Variants in L1CAM observed in about 807,000 individuals in gnomAD.
L1CAM encodes the protein neural cell adhesion molecule L1.
Under a neutral mutation model 93.0 loss-of-function variants are expected in L1CAM, and 8 were observed. That is an observed-to-expected ratio of 0.09 (90% CI 0.05 to 0.16). L1CAM has a LOEUF of 0.16. Ranked by LOEUF, L1CAM falls within the 10% of genes least tolerant of loss-of-function variation. L1CAM has a pLI of 1.00. For synonymous variants in L1CAM, 453 were observed against 453.0 expected (o/e 1.00, Z 0.00); for missense variants, 777 against 1,073.4 (o/e 0.72, Z 3.86).
At chrX:153,874,046 G>A (rs1557093941) in intron 2 of L1CAM, among the ~76,000 whole-genome samples, 1 of 112,813 alleles carries the variant, frequency 8.9e-6, no homozygotes, top group African/African-American at 3.2e-5. Flanking sequence ...ACACTGCAGA[G>A]GGCCCTGAGC....
At position 153,870,460 on chromosome X, in the gene L1CAM, G is replaced by A; in HGVS notation, c.734C>T (p.Pro245Leu). Reference sequence around the variant, plus strand: ...CACCAGGTGGCTGCTGGAGTTGGTGGGGAAGAGCAGGCGCGGCTTCCTGTC... The same window carrying A: ...CACCAGGTGGCTGCTGGAGTTGGTGAGGAAGAGCAGGCGCGGCTTCCTGTC... ...MIDRKPRLLF[P>L]TNSSSHLVAL... Residue 245 changes from proline to leucine, a missense_variant, in exon 8 of 29, where the codon CCC becomes CTC. This residue lies in a region of L1CAM where 574 missense variants were observed against 781.0 expected (regional missense o/e 0.73). Transcript: ENST00000370060. 8.3e-7 allele frequency: 1 copy of A among 1,211,885 alleles called. No homozygotes were observed. The highest frequency in any genetic ancestry group is 1.1e-6 in the Non-Finnish European group (1 of 895,330).
chrX:153,885,882 TTACA>T, intron 1 of L1CAM, 179 bp downstream of exon 1: 1 of 824,951 alleles, frequency 1.2e-6, no homozygotes, highest in South Asian at 2.9e-5. Context: ...CCCGCCCCGC[TTACA>T]GCCCGCGGTG....
intron 2 of L1CAM, among the ~76,000 whole-genome samples, chrX:153,873,995 C>T (rs907338230): frequency 5.3e-5 from 6 of 112,501 alleles, no homozygotes; most frequent in Non-Finnish European, 9.4e-5. Flanking sequence ...CAGAAGACCT[C>T]AGTGTGAAGG....
rs1221618827 is a variant in L1CAM, at chrX:153,869,561, C to T, written c.1226G>A (p.Arg409Gln). ...TMVTQCEARN[R>Q]HGLLLANAYI... Reference sequence around the variant, plus strand: ...GGCATTGGCCAGCAAGAGCCCGTGCCGGTTGCGGGCCTCACATTGGGTCAC... The same window carrying T: ...GGCATTGGCCAGCAAGAGCCCGTGCTGGTTGCGGGCCTCACATTGGGTCAC... The change falls in exon 11 of 29, where the codon CGG becomes CAG. Residue 409 changes from arginine (R) to glutamine (Q), a missense_variant. This residue lies in a region of L1CAM where 574 missense variants were observed against 781.0 expected (regional missense o/e 0.73). Transcript: ENST00000370060. 9.1e-6 allele frequency: 11 copies of T among 1,209,858 alleles called. No homozygotes were observed. Among genetic ancestry groups the T allele is most frequent in the African/African-American group, 5.2e-5 (3 of 57,538 alleles).
intron 1 of L1CAM, chrX:153,880,280 A>G: frequency 6.9e-6 from 1 of 144,425 alleles, no homozygotes; most frequent in Non-Finnish European, 1.4e-5. Context: ...ACCACCACAC[A>G]CCTTGAGAAG....
At position 153,862,322 on chromosome X, in the gene L1CAM, C is replaced by T; in HGVS notation, c.*341G>A. Reference sequence around the variant, plus strand: ...TCCTGAGGAGACCCCACCATGTCTGCCCCCAGTCAGGGAGCAAGAAAGACA... The same window carrying T: ...TCCTGAGGAGACCCCACCATGTCTGTCCCCAGTCAGGGAGCAAGAAAGACA... On this transcript the variant is annotated 3_prime_UTR_variant, in exon 29 of 29. Transcript: ENST00000370060. 1 of 242,372 alleles carries T rather than the reference C, an allele frequency of 4.1e-6. No homozygotes were observed. The highest frequency in any genetic ancestry group is 1.8e-4 in the South Asian group (1 of 5,656). 20.0% of individuals were successfully genotyped at this position (242,372 alleles called of 1,213,427 possible). A position where few individuals can be genotyped will look rare whatever the true frequency, so the allele number is the denominator to read the frequency against.
At chrX:153,884,158 G>T in intron 1 of L1CAM, 1 of 905,789 alleles carries the variant, frequency 1.1e-6, no homozygotes, top group Non-Finnish European at 1.5e-6. Flanking sequence ...GGACAATGCT[G>T]GTCCAGTTTG....
At chrX:153,885,330 G>A (rs1465640232) in intron 1 of L1CAM, 16 of 949,492 alleles carry the variant, frequency 1.7e-5, no homozygotes, top group Non-Finnish European at 2.2e-5. Context: ...TGCCCGAACC[G>A]ACCTCACCCA....
chrX:153,877,461 C>CA (rs35481146), intron 1 of L1CAM, among the ~76,000 whole-genome samples: 3,850 of 48,905 alleles, frequency 0.079, 226 homozygotes, highest in East Asian at 0.3. Flanking sequence ...GACTCTGTCT[C>CA]AAAAAAAAAA....
intron 1 of L1CAM, chrX:153,883,834 T>A (rs1260581007): frequency 2.9e-6 from 1 of 341,848 alleles, no homozygotes; most frequent in Non-Finnish European, 5.9e-6. Context: ...CGCATCACCC[T>A]CACACCCAGA....
In L1CAM at chrX:153,866,502, G is replaced by T. The variant is rs4646266; in HGVS notation, c.2431+147C>A. ...TGCCAATTATAGAAATGTGAAGTGTGGGGAATTTCATAACGTCGCTCTGGT... is the reference window on the plus strand; with the variant it reads ...TGCCAATTATAGAAATGTGAAGTGTTGGGAATTTCATAACGTCGCTCTGGT... On this transcript the variant is annotated intron_variant, in intron 19 of 28. Transcript: ENST00000370060. The T allele has an allele frequency of 0.033, 14,319 of 439,122 alleles. 277 individuals are homozygous for T. The highest frequency in any genetic ancestry group is 0.086 in the African/African-American group (3,470 of 40,578). 36.2% of individuals were successfully genotyped at this position (439,122 alleles called of 1,213,427 possible). A position where few individuals can be genotyped will look rare whatever the true frequency, so the allele number is the denominator to read the frequency against.
chrX:153,873,133 G>C (rs782455350), intron 3 of L1CAM, 95 bp downstream of exon 3: 1 of 868,526 alleles, frequency 1.2e-6, no homozygotes, highest in Admixed American at 2.2e-5. Flanking sequence ...GCAGGGCCCC[G>C]GCACTCAGGA....
intron 5 of L1CAM, 22 bp from the exon 6 acceptor site, chrX:153,871,201 A>T (rs368430291): frequency 2.5e-6 from 3 of 1,201,132 alleles, no homozygotes; most frequent in Non-Finnish European, 3.4e-6. Context: ...AGACGGGCTG[A>T]CACTCTCCTC....
At position 153,868,032 on chromosome X, in the gene L1CAM, A is replaced by G; in HGVS notation, c.1794T>C (p.Asp598=). 1 of 1,210,177 alleles carries G rather than the reference A, an allele frequency of 8.3e-7. No homozygotes were observed. Among genetic ancestry groups the G allele is most frequent in the Non-Finnish European group, 1.1e-6 (1 of 894,978 alleles). The change falls in exon 15 of 29, where the codon GAT becomes GAC. Residue 598 remains aspartate, a synonymous_variant. Transcript: ENST00000370060. ...NYSCVASTEL[D]VVESRAQLLV... ...AGAGCTGTGCCCTACTCTCCACCACATCCAGTTCGGTACTGGCCACGCAGC... is the reference window on the plus strand; with the variant it reads ...AGAGCTGTGCCCTACTCTCCACCACGTCCAGTTCGGTACTGGCCACGCAGC...
At chrX:153,881,316 G>A (rs1265478305) in intron 1 of L1CAM, among the ~76,000 whole-genome samples, 2 of 111,759 alleles carry the variant, frequency 1.8e-5, no homozygotes, top group Non-Finnish European at 3.8e-5. Context: ...GGTTTTAGAG[G>A]GCGTGGTGGC....
At chrX:153,871,270 C>T in intron 5 of L1CAM, 91 bp from the exon 6 acceptor site, 1 of 811,162 alleles carries the variant, frequency 1.2e-6, no homozygotes, top group Admixed American at 2.6e-5. Flanking sequence ...TGGCGGGCTA[C>T]ACCAGGGATG....
Position 153,863,736 on chromosome X carries a change from G to A in L1CAM, c.3457+147C>T, listed in dbSNP as rs782406355. The A allele has an allele frequency of 3.2e-6, 3 of 930,555 alleles. No individual in the cohort carries two copies. In the East Asian group the frequency reaches 9.9e-5, roughly 31 times the overall value. The allele number at this position is 930,555 out of a possible 1,213,427, so 76.7% of individuals were successfully genotyped here. On this transcript the variant is annotated intron_variant, in intron 26 of 28. Coordinates refer to ENST00000370060, the MANE Select transcript of L1CAM (RefSeq NM_001278116.2). ...CTGTTGCCCCAACCCCGGCCTGGGA[G>A]GATGATCCCCCTGCCTGCCCCCACC...
At chrX:153,871,963 CAG>C (rs1286354680) in intron 5 of L1CAM, among the ~76,000 whole-genome samples, 187 bp downstream of exon 5, 7 of 107,120 alleles carry the variant, frequency 6.5e-5, no homozygotes, top group African/African-American at 2.0e-4. Context: ...GCAATGGAGA[CAG>C]AGACAGGGCA....
At chrX:153,877,954 C>T (rs2064825216) in intron 1 of L1CAM, among the ~76,000 whole-genome samples, 1 of 112,406 alleles carries the variant, frequency 8.9e-6, no homozygotes, top group Non-Finnish European at 1.9e-5. Flanking sequence ...TCCATATTCA[C>T]CTACAAGTAA....
Sources: gnomAD v4.1 joint callset for allele counts (sites outside exome capture counted in the v4.1 genomes callset) on GRCh38, gnomAD v4.1.1 for gene constraint, gnomAD v4.1.1 regional missense constraint, MANE v1.5 for transcripts, NCBI Gene and HGNC (gene_info 2026-07-23, HGNC 2026-07-21) for gene names.